PDE4D: variants seen among roughly 807,000 people sequenced by gnomAD.
PDE4D encodes 3',5'-cyclic-AMP phosphodiesterase 4D.
Under a neutral mutation model 87.4 loss-of-function variants are expected in PDE4D, and 24 were observed. The observed-to-expected ratio is 0.27, with a 90% CI of 0.20 to 0.39. The LOEUF is 0.39. PDE4D is among the 10% of genes least tolerant of loss of function. The probability of loss-of-function intolerance (pLI) is 1.00; values close to 1 mark genes in which losing one functional copy is unlikely to be tolerated. For synonymous variants in PDE4D, 384 were observed against 383.2 expected (o/e 1.00, Z -0.02); for missense variants, 714 against 1,041.0 (o/e 0.69, Z 4.32).
chr5:59,300,520 GTGTT>G (rs781460744), intron 1 of PDE4D, among the ~76,000 whole-genome samples: 12 of 152,192 alleles, frequency 7.9e-5, no homozygotes, highest in Non-Finnish European at 1.5e-4. Flanking sequence ...AAAGATTTTT[GTGTT>G]TGTTTGTTTT....
rs1773750052 is a variant in PDE4D at position 60,080,003 on chromosome 5, C to G, written c.43-91286G>C. On this transcript the variant is annotated intron_variant, in intron 2 of 16. Coordinates refer to the PDE4D transcript ENST00000502484. ...TTTCATGACATCAATTCTTCCTATC[C>G]ATGAGGATGAAATGTTTTTCCATTT... Among the ~76,000 whole-genome samples the G allele has an allele frequency of 2.0e-5, 3 of 152,256 alleles. No individual in the cohort carries two copies. In the South Asian group the frequency reaches 6.2e-4, roughly 32 times the overall value.
chr5:59,085,999 C>T (rs553267472), intron 5 of PDE4D, among the ~76,000 whole-genome samples: 7 of 152,156 alleles, frequency 4.6e-5, no homozygotes, highest in Non-Finnish European at 1.0e-4. Context: ...TATATAAAAT[C>T]ACCCTGACTT....
intron 1 of PDE4D, among the ~76,000 whole-genome samples, chr5:60,345,575 A>AC (rs1159569937): frequency 6.6e-6 from 1 of 151,918 alleles, no homozygotes; most frequent in African/African-American, 2.4e-5. Context: ...CCAAAAAAAA[A>AC]AAAAAATTAA....
chr5:59,244,538 A>G (rs1187200110), intron 1 of PDE4D, among the ~76,000 whole-genome samples: 3 of 149,810 alleles, frequency 2.0e-5, no homozygotes, highest in African/African-American at 5.0e-5. Flanking sequence ...CTCTCTCTCT[A>G]TATACACACA....
At chr5:59,378,784 C>T (rs539267906) in intron 1 of PDE4D, among the ~76,000 whole-genome samples, 1 of 152,070 alleles carries the variant, frequency 6.6e-6, no homozygotes, top group Non-Finnish European at 1.5e-5. Context: ...GAGATTTCTT[C>T]AAAATTTTTA....
At chr5:59,565,066 G>A (rs1034191089) in intron 1 of PDE4D, among the ~76,000 whole-genome samples, 1 of 152,162 alleles carries the variant, frequency 6.6e-6, no homozygotes, top group African/African-American at 2.4e-5. Flanking sequence ...CCAGGAGGGT[G>A]CAGCTGGGGT....
chr5:59,073,383 G>A (rs1183676898), intron 5 of PDE4D, among the ~76,000 whole-genome samples: 3 of 151,800 alleles, frequency 2.0e-5, no homozygotes, highest in Non-Finnish European at 2.9e-5. Flanking sequence ...CTGCAAAGGT[G>A]ACAAAGTGCA....
chr5:59,510,432 C>T (rs577643024), intron 1 of PDE4D, among the ~76,000 whole-genome samples: 51 of 151,024 alleles, frequency 3.4e-4, no homozygotes, highest in Non-Finnish European at 6.5e-4. Context: ...AGTAGTCTGG[C>T]AATTTGACAC....
chr5:59,920,513 G>A (rs181762132), intron 3 of PDE4D, among the ~76,000 whole-genome samples: 8 of 151,982 alleles, frequency 5.3e-5, no homozygotes, highest in Admixed American at 3.3e-4. Flanking sequence ...GTATTTTTTC[G>A]TCTACCTGGC....
chr5:59,179,429 A>G (rs1740955281), intron 5 of PDE4D, among the ~76,000 whole-genome samples: 1 of 152,216 alleles, frequency 6.6e-6, no homozygotes. Flanking sequence ...ATCAATATCA[A>G]GAACAAAACT....
intron 1 of PDE4D, among the ~76,000 whole-genome samples, chr5:59,444,220 A>C (rs544440463): frequency 9.2e-5 from 14 of 152,326 alleles, no homozygotes; most frequent in Admixed American, 2.0e-4. Context: ...GGTTTTTCTA[A>C]AGATATCACA....
chr5:60,251,676 ACTACCTGTGT>A (rs1376069687), intron 1 of PDE4D, among the ~76,000 whole-genome samples: 1 of 151,882 alleles, frequency 6.6e-6, no homozygotes, highest in Non-Finnish European at 1.5e-5. Flanking sequence ...TGAACATATG[ACTACCTGTGT>A]CTTTATGATA....
chr5:60,344,513 A>G (rs920775189), intron 1 of PDE4D, among the ~76,000 whole-genome samples: 2 of 152,180 alleles, frequency 1.3e-5, no homozygotes, highest in African/African-American at 4.8e-5. Context: ...TGAAGGACCC[A>G]TAAAGCCTTT....
At chr5:59,886,440 C>A (rs1005305594) in intron 1 of PDE4D, among the ~76,000 whole-genome samples, 2 of 151,862 alleles carry the variant, frequency 1.3e-5, no homozygotes, top group African/African-American at 4.8e-5. Context: ...TCGCTTGAAC[C>A]CGGTAGGCGG....
Position 59,215,760 on chromosome 5 carries a change from C to T in PDE4D, c.647+17G>A. The T allele has an allele frequency of 6.2e-7, 1 of 1,607,764 alleles. No homozygotes were observed. Among genetic ancestry groups the T allele is most frequent in the Non-Finnish European group, 8.5e-7 (1 of 1,174,432 alleles). On this transcript the variant is annotated intron_variant, in intron 2 of 14. Coordinates refer to ENST00000340635, the MANE Select transcript of PDE4D (RefSeq NM_001104631.2). ...ATTTACTCGGTTTTCTCTCTCTTTG[C>T]CTGCCCTTGTACTTACATATCACTG...
chr5:60,156,016 G>A (rs1483218977), intron 2 of PDE4D, among the ~76,000 whole-genome samples: 1 of 152,146 alleles, frequency 6.6e-6, no homozygotes, highest in Non-Finnish European at 1.5e-5. Flanking sequence ...TAGGTACCAG[G>A]GTTGCAGGGC....
At chr5:60,418,875 T>C (rs1407057095) in intron 1 of PDE4D, among the ~76,000 whole-genome samples, 4 of 152,092 alleles carry the variant, frequency 2.6e-5, no homozygotes, top group Non-Finnish European at 4.4e-5. Context: ...TTAGCCCCCT[T>C]ATTTGTTATA....
chr5:59,631,277 CAG>C (rs1183979362), intron 1 of PDE4D, among the ~76,000 whole-genome samples: 9 of 152,084 alleles, frequency 5.9e-5, no homozygotes, highest in Admixed American at 5.9e-4. Flanking sequence ...TAGTAAGTGC[CAG>C]AGAGTAGATT....
chr5:59,342,316 C>G lies in PDE4D; in HGVS notation c.456-126348G>C, dbSNP rs1173423262. Among the ~76,000 whole-genome samples the G allele has an allele frequency of 3.3e-5, 5 of 152,236 alleles. No homozygotes were observed. In the South Asian group the frequency reaches 1.0e-3, roughly 32 times the overall value. On this transcript the variant is annotated intron_variant, in intron 1 of 14. Transcript: ENST00000340635. ...AAAAATTCAGCTTCATTCCTTATCTCTGACAAATACCAGAATGCACAACAC... is the reference window on the plus strand; with the variant it reads ...AAAAATTCAGCTTCATTCCTTATCTGTGACAAATACCAGAATGCACAACAC...
Sources: allele counts gnomAD v4.1 joint callset (sites outside exome capture counted in the v4.1 genomes callset), GRCh38; gene constraint gnomAD v4.1.1; transcripts MANE v1.5; gene names NCBI Gene and HGNC (gene_info 2026-07-23, HGNC 2026-07-21).